STK32A: variants seen among roughly 807,000 people sequenced by gnomAD.
STK32A encodes the protein serine/threonine kinase 32A.
A neutral mutation model predicts 53.2 loss-of-function variants in STK32A; 41 were observed. The observed-to-expected ratio is 0.77, with a 90% CI of 0.60 to 1.00. The LOEUF is 1.00. Ranked by LOEUF, STK32A falls within the 50% of genes least tolerant of loss-of-function variation. STK32A has a pLI of 0.00. For missense variants in STK32A, 458 were observed against 485.8 expected (o/e 0.94, Z 0.54); for synonymous variants, 166 against 162.8 (o/e 1.02, Z -0.15).
intron 4 of STK32A, among the ~76,000 whole-genome samples, chr5:147,317,692 A>G (rs989366490): frequency 6.6e-5 from 10 of 152,182 alleles, no homozygotes; most frequent in African/African-American, 2.4e-4. Context: ...AGGAAGCTGT[A>G]GAATAAGAAA....
intron 7 of STK32A, among the ~76,000 whole-genome samples, chr5:147,356,396 G>A (rs1045824339): frequency 6.6e-6 from 1 of 152,090 alleles, no homozygotes; most frequent in Non-Finnish European, 1.5e-5. Context: ...AATTAATGTA[G>A]TATATTGTAT....
chr5:147,290,771 G>A (rs1235882228), intron 4 of STK32A, among the ~76,000 whole-genome samples: 1 of 152,082 alleles, frequency 6.6e-6, no homozygotes, highest in Non-Finnish European at 1.5e-5. Flanking sequence ...CTTAAATAAC[G>A]AGATTCTGAA....
intron 11 of STK32A, 155 bp from the exon 12 acceptor site, chr5:147,383,286 G>A: frequency 1.5e-6 from 1 of 671,298 alleles, no homozygotes. Context: ...CAGCTTCCCG[G>A]AATCTTCTTC....
intron 2 of STK32A, among the ~76,000 whole-genome samples, chr5:147,260,086 CCTCTGTCT>C (rs1187273162): frequency 8.3e-6 from 1 of 120,840 alleles, no homozygotes; most frequent in Non-Finnish European, 1.7e-5. Flanking sequence ...CTCTCGCTCT[CCTCTGTCT>C]CTGTCTCTGT....
chr5:147,323,870 T>A (rs1232642341), intron 4 of STK32A, 28 bp from the exon 5 acceptor site: 4 of 1,585,916 alleles, frequency 2.5e-6, no homozygotes, highest in Non-Finnish European at 3.4e-6. Context: ...ATATATTTGA[T>A]AAGTTTTCTC....
intron 7 of STK32A, among the ~76,000 whole-genome samples, chr5:147,360,160 G>A (rs1391210598): frequency 6.6e-6 from 1 of 152,054 alleles, no homozygotes; most frequent in East Asian, 1.9e-4. Flanking sequence ...TATAAAGATT[G>A]CCTTATTGGC....
In STK32A at chr5:147,384,435, A is replaced by G; in HGVS notation, c.*452A>G. The G allele has an allele frequency of 6.5e-7, 1 of 1,534,316 alleles. No homozygotes were observed. The highest frequency in any genetic ancestry group is 8.7e-7 in the Non-Finnish European group (1 of 1,146,010). Reference sequence around the variant, plus strand: ...ACTTTTCAGACCTCGAAAGTTTCATAAAGTGGTCAGAATGCCCCAGGCTAC... The same window carrying G: ...ACTTTTCAGACCTCGAAAGTTTCATGAAGTGGTCAGAATGCCCCAGGCTAC... On this transcript the variant is annotated 3_prime_UTR_variant, in exon 13 of 13. Coordinates refer to ENST00000397936, the MANE Select transcript of STK32A (RefSeq NM_001112724.2).
At chr5:147,302,832 C>CTT in intron 4 of STK32A, among the ~76,000 whole-genome samples, 1 of 152,196 alleles carries the variant, frequency 6.6e-6, no homozygotes, top group South Asian at 2.1e-4. Flanking sequence ...TTATTTTATA[C>CTT]TTATATTATT....
intron 4 of STK32A, among the ~76,000 whole-genome samples, chr5:147,293,874 A>G (rs1752728144): frequency 6.6e-6 from 1 of 150,986 alleles, no homozygotes; most frequent in Non-Finnish European, 1.5e-5. Context: ...TCTCTTATTA[A>G]TACTATATAA....
chr5:147,369,504 T>C (rs1212027884), intron 8 of STK32A, among the ~76,000 whole-genome samples: 4 of 152,220 alleles, frequency 2.6e-5, no homozygotes, highest in Non-Finnish European at 4.4e-5. Flanking sequence ...TCCTTTAATT[T>C]TTCCAGCAAT....
chr5:147,278,264 T>C (rs1296709060), intron 3 of STK32A, 85 bp downstream of exon 3: 1 of 1,100,244 alleles, frequency 9.1e-7, no homozygotes, highest in African/African-American at 1.6e-5. Context: ...CATTATTGAG[T>C]TGCTGGGACC....
At chr5:147,363,327 C>T (rs1267115411) in intron 8 of STK32A, among the ~76,000 whole-genome samples, 6 of 140,360 alleles carry the variant, frequency 4.3e-5, no homozygotes, top group Non-Finnish European at 7.6e-5. Flanking sequence ...TAGATCTACA[C>T]AGGCATGGGA....
intron 6 of STK32A, among the ~76,000 whole-genome samples, chr5:147,349,942 C>T (rs1755879142): frequency 2.0e-5 from 3 of 151,950 alleles, no homozygotes; most frequent in African/African-American, 4.8e-5. Flanking sequence ...GAAATCCCAT[C>T]TCTACTAAAA....
chr5:147,330,045 G>A (rs1434917550), intron 5 of STK32A, among the ~76,000 whole-genome samples: 1 of 152,152 alleles, frequency 6.6e-6, no homozygotes, highest in African/African-American at 2.4e-5. Flanking sequence ...TGTATGCTGT[G>A]TAACAAATTC....
At chr5:147,394,848 T>C in the STK32A span, among the ~76,000 whole-genome samples, 5 of 152,200 alleles carry the variant, frequency 3.3e-5, no homozygotes, top group African/African-American at 1.2e-4. Flanking sequence ...CCATACCCTT[T>C]CCTCATATGC....
intron 5 of STK32A, among the ~76,000 whole-genome samples, chr5:147,334,201 C>T (rs1005595834): frequency 9.2e-5 from 14 of 152,292 alleles, no homozygotes; most frequent in African/African-American, 2.9e-4. Context: ...AACAAGGAAT[C>T]GTTATACCTC....
intron 8 of STK32A, among the ~76,000 whole-genome samples, chr5:147,366,275 A>G (rs1392560361): frequency 2.6e-5 from 4 of 152,186 alleles, no homozygotes; most frequent in African/African-American, 9.7e-5. Flanking sequence ...TCCTTCGCCT[A>G]TAAAGAGAGT....
chr5:147,264,484 C>G lies in STK32A; in HGVS notation c.53-13640C>G, dbSNP rs182326968. On this transcript the variant is annotated intron_variant, in intron 2 of 12. Coordinates refer to ENST00000397936, the MANE Select transcript of STK32A (RefSeq NM_001112724.2). ...GAAAAGTCAACATGTGTAAACAAGA[C>G]TGTTACTAATTCCAGGGAAAGCCAA... Among the ~76,000 whole-genome samples, 41 of 152,268 alleles carry G rather than the reference C, an allele frequency of 2.7e-4. No homozygotes were observed. The East Asian group carries it at 7.1e-3, about 27-fold the overall frequency.
At chr5:147,241,182 T>C (rs1753554778) in intron 2 of STK32A, among the ~76,000 whole-genome samples, 1 of 152,120 alleles carries the variant, frequency 6.6e-6, no homozygotes, top group Non-Finnish European at 1.5e-5. Context: ...GAAATACTTT[T>C]AAAAACAACA....
Sources: gnomAD v4.1 joint callset for allele counts (sites outside exome capture counted in the v4.1 genomes callset) on GRCh38, gnomAD v4.1.1 for gene constraint, MANE v1.5 for transcripts, NCBI Gene and HGNC (gene_info 2026-07-23, HGNC 2026-07-21) for gene names.